Variants in PLEKHA5 observed in about 807,000 individuals in gnomAD.
PLEKHA5 encodes pleckstrin homology domain containing A5.
In PLEKHA5, 55 loss-of-function variants were observed where a neutral mutation model predicts 181.9. That is an observed-to-expected ratio of 0.30 (90% CI 0.24 to 0.38). PLEKHA5 has a LOEUF of 0.38. Ranked by LOEUF, PLEKHA5 falls within the 10% of genes least tolerant of loss-of-function variation. The probability of loss-of-function intolerance (pLI) is 1.00; values close to 1 mark genes in which losing one functional copy is unlikely to be tolerated. For synonymous variants in PLEKHA5, 535 were observed against 529.4 expected, an observed-to-expected ratio of 1.01 and a Z score of -0.15; for missense variants, 1,432 against 1,549.5, an observed-to-expected ratio of 0.92 and a Z score of 1.27.
intron 3 of PLEKHA5, 110 bp from the exon 4 acceptor site, chr12:19,253,830 A>C: frequency 1.3e-6 from 1 of 785,944 alleles, no homozygotes; most frequent in South Asian, 1.5e-5. Flanking sequence ...CAAAAACAAA[A>C]AAAAAGGCTG....
At position 19,257,416 on chromosome 12, in the gene PLEKHA5, G is replaced by T. The variant is rs759124844; in HGVS notation, c.433-17G>T. ...GCATTAATACCACATTTTCTGTCAT[G>T]CTCTTTTTCTATTTAGACTTCACGA... is the stretch of plus-strand genomic sequence containing the variant. On this transcript the variant is annotated splice_polypyrimidine_tract_variant and intron_variant, in intron 5 of 31. Transcript: ENST00000429027. 2 of 1,266,480 alleles carry T rather than the reference G, an allele frequency of 1.6e-6. No homozygotes were observed. The highest frequency in any genetic ancestry group is 2.3e-6 in the Non-Finnish European group (2 of 879,336). 78.5% of individuals were successfully genotyped at this position (1,266,480 alleles called of 1,614,324 possible).
intron 3 of PLEKHA5, among the ~76,000 whole-genome samples, chr12:19,247,470 C>A (rs546191906): frequency 6.6e-6 from 1 of 152,124 alleles, no homozygotes; most frequent in African/African-American, 2.4e-5. Context: ...TAATGAATTT[C>A]TATTTTATCT....
chr12:19,366,056 T>C lies in PLEKHA5; in HGVS notation c.3701T>C (p.Val1234Ala). Residue 1234 changes from valine (V) to alanine (A), a missense_variant, in exon 30 of 32, where the codon GTT becomes GCT. By Grantham distance (64) the Val-to-Ala change is moderately conservative (BLOSUM62 0). Around this residue, in one of 2 missense-constraint regions of PLEKHA5, gnomAD observed 1,143 missense variants for 1,168.4 expected, o/e 0.98. Coordinates refer to ENST00000429027, the MANE Select transcript of PLEKHA5 (RefSeq NM_001256470.2). ...AGTGTTGACGAACAGGAAGAAACTG[T>C]TATTTCTTACGAATCAACTCCTGAG... The part of the protein sequence containing the change: ...KNSVDEQEET[V>A]ISYESTPEVS... The C allele has an allele frequency of 6.2e-7, 1 of 1,610,930 alleles. No individual in the cohort carries two copies. The highest frequency in any genetic ancestry group is 8.5e-7 in the Non-Finnish European group (1 of 1,177,478).
rs558660536 is a variant in PLEKHA5 at position 19,347,030 on chromosome 12, C to G, written c.2746C>G (p.Arg916Gly). The G allele has an allele frequency of 2.3e-5, 35 of 1,550,200 alleles. No homozygotes were observed. The East Asian group carries it at 5.4e-4, about 24-fold the overall frequency. Residue 916 changes from arginine (R) to glycine (G), a missense_variant, in exon 24 of 32, where the codon CGG becomes GGG. Arg to Gly is a moderately radical substitution (Grantham distance 125). This residue lies in a region of PLEKHA5 where 1,143 missense variants were observed against 1,168.4 expected (regional missense o/e 0.98). Transcript: ENST00000429027. ...EVVPPRPPLP[R>G]SYDFTEQPPI... ...AGTCCCACCTCGTCCTCCACTTCCT[C>G]GGTCCTATGACTTTACAGAGCAGCC...
At chr12:19,208,119 TTATC>T (rs2056046694) in intron 3 of PLEKHA5, among the ~76,000 whole-genome samples, 1 of 152,072 alleles carries the variant, frequency 6.6e-6, no homozygotes, top group Non-Finnish European at 1.5e-5. Flanking sequence ...CAATAAATGT[TTATC>T]TAGGCCAGGT....
At chr12:19,200,696 G>A (rs1277803678) in intron 3 of PLEKHA5, 1 of 1,009,950 alleles carries the variant, frequency 9.9e-7, no homozygotes, top group Non-Finnish European at 1.2e-6. Flanking sequence ...TGCTATTTCT[G>A]CTTTCCAAAA....
chr12:19,348,372 A>G, intron 24 of PLEKHA5, 27 bp from the exon 25 acceptor site: 1 of 1,540,022 alleles, frequency 6.5e-7, no homozygotes, highest in South Asian at 1.2e-5. Context: ...GCAGTTTTTT[A>G]GGGTAATTAC....
intron 3 of PLEKHA5, among the ~76,000 whole-genome samples, chr12:19,219,397 T>TA (rs2058570853): frequency 6.6e-6 from 1 of 152,110 alleles, no homozygotes; most frequent in Non-Finnish European, 1.5e-5. Context: ...GGACTGTATT[T>TA]ATTTTTTATT....
At chr12:19,210,142 A>G (rs1287060102) in intron 3 of PLEKHA5, among the ~76,000 whole-genome samples, 1 of 152,234 alleles carries the variant, frequency 6.6e-6, no homozygotes, top group Admixed American at 6.5e-5. Flanking sequence ...GGGATGGACT[A>G]AATGGCTGAT....
chr12:19,148,375 A>G (rs2039492655), intron 3 of PLEKHA5, among the ~76,000 whole-genome samples: 1 of 152,208 alleles, frequency 6.6e-6, no homozygotes, highest in Non-Finnish European at 1.5e-5. Flanking sequence ...TAAATGTATT[A>G]ATACTCAGGC....
intron 2 of PLEKHA5, among the ~76,000 whole-genome samples, chr12:19,131,061 TC>T (rs2033661033): frequency 6.6e-6 from 1 of 152,216 alleles, no homozygotes; most frequent in Non-Finnish European, 1.5e-5. Flanking sequence ...CTTTTATCAT[TC>T]TTTGTTTACA....
chr12:19,230,959 G>A (rs1235107230), intron 3 of PLEKHA5, among the ~76,000 whole-genome samples: 1 of 152,206 alleles, frequency 6.6e-6, no homozygotes, highest in Admixed American at 6.5e-5. Context: ...ACTTTTTCAG[G>A]ACCTTTCATT....
intron 4 of PLEKHA5, 110 bp from the exon 5 acceptor site, chr12:19,254,935 T>G (rs2066444019): frequency 1.1e-6 from 1 of 897,070 alleles, no homozygotes. Flanking sequence ...GTAACTAGGA[T>G]CCAAGTACTG....
chr12:19,371,567 T>G (rs1486447377), intron 31 of PLEKHA5: 2 of 177,938 alleles, frequency 1.1e-5, no homozygotes, highest in Non-Finnish European at 2.3e-5. Context: ...TGATATTTGG[T>G]TTTCCTTTCC....
At chr12:19,294,319 C>G (rs1351736043) in intron 15 of PLEKHA5, among the ~76,000 whole-genome samples, 1 of 152,104 alleles carries the variant, frequency 6.6e-6, no homozygotes, top group Non-Finnish European at 1.5e-5. Flanking sequence ...AGCTTTTAAT[C>G]TTGTTACTGC....
At chr12:19,181,526 G>A (rs1365336979) in intron 3 of PLEKHA5, among the ~76,000 whole-genome samples, 1 of 152,202 alleles carries the variant, frequency 6.6e-6, no homozygotes, top group Non-Finnish European at 1.5e-5. Context: ...TGTAATCTCA[G>A]CAATTTGGGA....
In PLEKHA5 at chr12:19,130,797, G is replaced by A. The variant is rs1025151139; in HGVS notation, c.169+667G>A. On this transcript the variant is annotated intron_variant, in intron 2 of 31. Transcript: ENST00000429027. The surrounding 1 kb of genome is among the most constrained non-coding windows in gnomAD (Gnocchi z 4.5). The stretch of plus-strand genomic sequence containing the variant: ...TCCTGCCACGGGAGGAGCAGCCGGA[G>A]CCGGAGGAGGCGTTCGCAGCCTCAG... 1.3e-5 allele frequency: 2 copies of A among 152,290 alleles called. No homozygotes were observed. The highest frequency in any genetic ancestry group is 2.9e-5 in the Non-Finnish European group (2 of 68,108). The allele number at this position is 152,290 out of a possible 1,614,324, so 9.4% of individuals were successfully genotyped here. A position where few individuals can be genotyped will look rare whatever the true frequency, so the allele number is the denominator to read the frequency against.
chr12:19,269,936 A>G (rs1341739100), intron 9 of PLEKHA5, 51 bp downstream of exon 9: 1 of 961,552 alleles, frequency 1.0e-6, no homozygotes, highest in Non-Finnish European at 1.7e-6. Flanking sequence ...ATTTTATTCC[A>G]TGCCTTGCAA....
At chr12:19,236,115 T>C (rs957661128) in intron 3 of PLEKHA5, among the ~76,000 whole-genome samples, 1 of 152,194 alleles carries the variant, frequency 6.6e-6, no homozygotes, top group Non-Finnish European at 1.5e-5. Flanking sequence ...AAAGAAAGCA[T>C]GTTGCAAAAC....
Sources: gnomAD v4.1 joint callset for allele counts (sites outside exome capture counted in the v4.1 genomes callset) on GRCh38, gnomAD v4.1.1 for gene constraint, gnomAD v4.1.1 regional missense constraint, Gnocchi (gnomAD v3.1) non-coding constraint, MANE v1.5 for transcripts, NCBI Gene and HGNC (gene_info 2026-07-23, HGNC 2026-07-21) for gene names.